EFNA5: variants seen among roughly 807,000 people sequenced by gnomAD.
EFNA5 encodes the protein ephrin-A5.
A neutral mutation model predicts 22.9 loss-of-function variants in EFNA5; 5 were observed. That is an observed-to-expected ratio of 0.22 (90% CI 0.11 to 0.46). The LOEUF is 0.46. Ranked by LOEUF, EFNA5 falls within the 20% of genes least tolerant of loss-of-function variation. The pLI is 0.99. For missense variants in EFNA5, 237 were observed against 293.3 expected (o/e 0.81, Z 1.40); for synonymous variants, 113 against 112.2 (o/e 1.01, Z -0.04).
intron 1 of EFNA5, among the ~76,000 whole-genome samples, chr5:107,462,443 T>A (rs1749856796): frequency 6.6e-6 from 1 of 152,124 alleles, no homozygotes; most frequent in South Asian, 2.1e-4. Flanking sequence ...AATAGAAACT[T>A]TTCTCCAGAA....
chr5:107,387,999 C>G (rs1419155408), intron 2 of EFNA5, among the ~76,000 whole-genome samples: 2 of 152,172 alleles, frequency 1.3e-5, no homozygotes, highest in Non-Finnish European at 2.9e-5. Context: ...ATAAAAGAAT[C>G]ATGCAAGAAT....
intron 1 of EFNA5, among the ~76,000 whole-genome samples, chr5:107,617,357 A>G (rs948870493): frequency 1.4e-4 from 22 of 152,160 alleles, no homozygotes; most frequent in African/African-American, 5.1e-4. Flanking sequence ...AGGAACATTC[A>G]TTCAGCACCA....
intron 1 of EFNA5, among the ~76,000 whole-genome samples, chr5:107,582,200 A>G (rs1749086856): frequency 6.6e-6 from 1 of 152,246 alleles, no homozygotes. Flanking sequence ...TTCAACTAGT[A>G]TAGTGTCAAA....
At chr5:107,664,577 G>C (rs1045057968) in intron 1 of EFNA5, among the ~76,000 whole-genome samples, 4 of 152,118 alleles carry the variant, frequency 2.6e-5, no homozygotes, top group Admixed American at 2.0e-4. Flanking sequence ...GACCACCATC[G>C]TAAGACAAAT....
chr5:107,666,607 T>C lies in EFNA5; in HGVS notation c.125+3882A>G, dbSNP rs187105749. 4.0e-4 allele frequency among the ~76,000 whole-genome samples: 61 copies of C among 152,270 alleles called. 2 individuals carry two copies. Among genetic ancestry groups the C allele is most frequent in the South Asian group, 2.3e-3 (11 of 4,830 alleles). On this transcript the variant is annotated intron_variant, in intron 1 of 4. Coordinates refer to ENST00000333274, the MANE Select transcript of EFNA5 (RefSeq NM_001962.3). ...CCTCTTAAGAGTATAACCTTTTAAA[T>C]TGATGATACTCAAACCTTAACAGAA...
At chr5:107,433,030 A>G (rs555045661) in intron 1 of EFNA5, among the ~76,000 whole-genome samples, 11 of 152,352 alleles carry the variant, frequency 7.2e-5, no homozygotes, top group African/African-American at 2.6e-4. Context: ...AGAATATAGT[A>G]TATATGTTTA....
In EFNA5 at chr5:107,651,565, A is replaced by G. The variant is rs528293351; in HGVS notation, c.125+18924T>C. ...GGAACAGAGCACAGCCGACCGCCCA[A>G]TCTCTCCAACTACAACTTGATGTTT... On this transcript the variant is annotated intron_variant, in intron 1 of 4. Transcript: ENST00000333274. Among the ~76,000 whole-genome samples the G allele has an allele frequency of 2.6e-4, 40 of 151,942 alleles. No individual in the cohort carries two copies. In the South Asian group the frequency reaches 7.9e-3, roughly 30 times the overall value.
At chr5:107,655,115 A>G (rs745996519) in intron 1 of EFNA5, among the ~76,000 whole-genome samples, 1 of 152,150 alleles carries the variant, frequency 6.6e-6, no homozygotes, top group Non-Finnish European at 1.5e-5. Flanking sequence ...TAATAACACA[A>G]AATATCAATA....
intron 1 of EFNA5, among the ~76,000 whole-genome samples, chr5:107,452,953 G>C (rs985916998): frequency 5.9e-5 from 9 of 151,958 alleles, no homozygotes; most frequent in Admixed American, 3.9e-4. Context: ...AGCTTGCCTG[G>C]CCTGATTTCT....
At chr5:107,510,227 T>G (rs1346857171) in intron 1 of EFNA5, among the ~76,000 whole-genome samples, 1 of 152,216 alleles carries the variant, frequency 6.6e-6, no homozygotes, top group African/African-American at 2.4e-5. Context: ...CACATTAGCA[T>G]GCTAAAAGAC....
chr5:107,664,730 T>C lies in EFNA5; in HGVS notation c.125+5759A>G, dbSNP rs571547487. On this transcript the variant is annotated intron_variant, in intron 1 of 4. Coordinates refer to ENST00000333274, the MANE Select transcript of EFNA5 (RefSeq NM_001962.3). ...GAAAGCGGATCTGACTGAGTTGTCCTGGGTAAGAGGCAAGGACCTTCCTCA... is the reference window on the plus strand; with the variant it reads ...GAAAGCGGATCTGACTGAGTTGTCCCGGGTAAGAGGCAAGGACCTTCCTCA... Among the ~76,000 whole-genome samples the C allele has an allele frequency of 1.1e-3, 169 of 152,316 alleles. 1 individual carries two copies. Among genetic ancestry groups the C allele is most frequent in the Middle Eastern group, 3.4e-3 (1 of 294 alleles).
intron 1 of EFNA5, among the ~76,000 whole-genome samples, chr5:107,598,861 T>C (rs982142076): frequency 6.6e-6 from 1 of 152,214 alleles, no homozygotes; most frequent in African/African-American, 2.4e-5. Flanking sequence ...TTTAACTCTT[T>C]ACATCTGACT....
At chr5:107,655,985 G>A (rs2112556569) in intron 1 of EFNA5, among the ~76,000 whole-genome samples, 1 of 152,262 alleles carries the variant, frequency 6.6e-6, no homozygotes, top group African/African-American at 2.4e-5. Context: ...TCTGGCAGCA[G>A]AATTCAGAAA....
intron 1 of EFNA5, among the ~76,000 whole-genome samples, chr5:107,561,135 C>G (rs1420207747): frequency 6.6e-6 from 1 of 152,172 alleles, no homozygotes; most frequent in Non-Finnish European, 1.5e-5. Flanking sequence ...GCAAATTAAG[C>G]ATACCTGGAC....
At chr5:107,443,422 C>A (rs886887320) in intron 1 of EFNA5, among the ~76,000 whole-genome samples, 1 of 152,192 alleles carries the variant, frequency 6.6e-6, no homozygotes, top group African/African-American at 2.4e-5. Flanking sequence ...CACTATACCC[C>A]CTCAAGAACA....
At chr5:107,533,258 G>C (rs1297311349) in intron 1 of EFNA5, among the ~76,000 whole-genome samples, 1 of 152,092 alleles carries the variant, frequency 6.6e-6, no homozygotes, top group African/African-American at 2.4e-5. Context: ...TATGAAGCGG[G>C]GGGATCTTTT....
intron 4 of EFNA5, among the ~76,000 whole-genome samples, chr5:107,386,602 C>A (rs554583862): frequency 9.2e-5 from 14 of 152,252 alleles, no homozygotes; most frequent in Admixed American, 2.0e-4. Context: ...AATCAAGGAT[C>A]ACATTTGGCT....
chr5:107,478,676 G>T (rs1215670048), intron 1 of EFNA5, among the ~76,000 whole-genome samples: 1 of 152,250 alleles, frequency 6.6e-6, no homozygotes, highest in African/African-American at 2.4e-5. Flanking sequence ...AGGAAGAAAC[G>T]TACCAAGTGG....
rs143797946 is a variant in EFNA5, at chr5:107,466,577, C to T, written c.126-39068G>A. On this transcript the variant is annotated intron_variant, in intron 1 of 4. Transcript: ENST00000333274. ...AGCTGTGCGGCATGAGGAATGTTCT[C>T]GCGAGATCGACTTAGAGAAATTTGC... is the stretch of plus-strand genomic sequence containing the variant. 4.5e-4 allele frequency among the ~76,000 whole-genome samples: 69 copies of T among 152,248 alleles called. 2 individuals carry two copies. In the East Asian group the frequency reaches 0.012, roughly 27 times the overall value.
Sources: gnomAD v4.1 joint callset for allele counts (sites outside exome capture counted in the v4.1 genomes callset) on GRCh38, gnomAD v4.1.1 for gene constraint, MANE v1.5 for transcripts, NCBI Gene and HGNC (gene_info 2026-07-23, HGNC 2026-07-21) for gene names.